Variants in SIAE observed in about 807,000 individuals in gnomAD.
The protein encoded by SIAE is sialic acid acetylesterase, also known as sialate O-acetylesterase.
In SIAE, 39 loss-of-function variants were observed where a neutral mutation model predicts 52.6. The ratio of observed to expected loss-of-function variants is 0.74; its 90% CI spans 0.57 to 0.97. SIAE has a LOEUF of 0.97. SIAE is among the 50% of genes least tolerant of loss of function. SIAE has a pLI of 0.00. For synonymous variants in SIAE, 233 were observed against 241.4 expected (o/e 0.97, Z 0.32); for missense variants, 592 against 662.1 (o/e 0.89, Z 1.16).
upstream of SIAE, chr11:124,673,988 G>T: frequency 3.9e-6 from 2 of 508,382 alleles, no homozygotes; most frequent in Non-Finnish European, 7.1e-6. Flanking sequence ...CCGATACCAA[G>T]ACCTAGCCTT....
chr11:124,640,641 A>G (rs1322553460), intron 7 of SIAE, among the ~76,000 whole-genome samples: 1 of 152,174 alleles, frequency 6.6e-6, no homozygotes. Context: ...CAGTGACCCC[A>G]ATTCTTCACT....
At position 124,635,462 on chromosome 11, in the gene SIAE, A is replaced by G. The variant is rs1942708618; in HGVS notation, c.*1489T>C. The G allele has an allele frequency of 1.3e-5, 2 of 152,236 alleles. No homozygotes were observed. Among genetic ancestry groups the G allele is most frequent in the South Asian group, 4.1e-4 (2 of 4,832 alleles). The allele number at this position is 152,236 out of a possible 1,614,324, so 9.4% of individuals were successfully genotyped here. ...TCTACAGAGGGGTAGAACTAAAGCA[A>G]AAACCATCATTCACCCTACAGAGTA... On this transcript the variant is annotated 3_prime_UTR_variant, in exon 10 of 10. Transcript: ENST00000263593.
At chr11:124,661,022 TA>T (rs1213600436) in intron 2 of SIAE, among the ~76,000 whole-genome samples, 1 of 152,090 alleles carries the variant, frequency 6.6e-6, no homozygotes, top group African/African-American at 2.4e-5. Flanking sequence ...CTGAAGCATT[TA>T]CAAAAAAAGT....
intron 7 of SIAE, 40 bp from the exon 8 acceptor site, chr11:124,639,907 T>C (rs765023314): frequency 6.2e-7 from 1 of 1,609,668 alleles, no homozygotes; most frequent in South Asian, 1.1e-5. Context: ...TGTATCAGAA[T>C]CCCACACTGG....
chr11:124,636,572 A>C lies in SIAE; in HGVS notation c.*379T>G. ...GAAATTTTATAAAGAACACATGAAC[A>C]CTAGCTGGCCTATGTGGCCTTTAAA... On this transcript the variant is annotated 3_prime_UTR_variant, in exon 10 of 10. Transcript: ENST00000263593. 6.5e-6 allele frequency: 2 copies of C among 307,084 alleles called. No homozygotes were observed. Among genetic ancestry groups the C allele is most frequent in the Non-Finnish European group, 1.3e-5 (2 of 159,150 alleles). The allele number at this position is 307,084 out of a possible 1,614,324, so 19.0% of individuals were successfully genotyped here.
rs1183326472 is a variant in SIAE, at chr11:124,635,980, A to C, written c.*971T>G. 6.6e-6 allele frequency: 1 copy of C among 152,110 alleles called. No individual in the cohort carries two copies. Among genetic ancestry groups the C allele is most frequent in the Non-Finnish European group, 1.5e-5 (1 of 68,024 alleles). 9.4% of individuals were successfully genotyped at this position (152,110 alleles called of 1,614,324 possible). A position where few individuals can be genotyped will look rare whatever the true frequency, so the allele number is the denominator to read the frequency against. Reference sequence around the variant, plus strand: ...ATGCTTGTCATGTGGCTTTACTTTCAGCCTCACTCTTTTCTTCTTCCAAAT... The same window carrying C: ...ATGCTTGTCATGTGGCTTTACTTTCCGCCTCACTCTTTTCTTCTTCCAAAT... On this transcript the variant is annotated 3_prime_UTR_variant, in exon 10 of 10. Coordinates refer to ENST00000263593, the MANE Select transcript of SIAE (RefSeq NM_170601.5).
At chr11:124,667,722 G>C (rs1184175193) in intron 2 of SIAE, among the ~76,000 whole-genome samples, 2 of 152,102 alleles carry the variant, frequency 1.3e-5, no homozygotes, top group Admixed American at 1.3e-4. Flanking sequence ...CACAGCTATA[G>C]CGCTATCTGT....
chr11:124,649,629 GGACC>G lies in SIAE; in HGVS notation c.708_711del (p.Val237LeufsTer11), dbSNP rs1196393685. 5.6e-6 allele frequency: 9 copies of G among 1,614,004 alleles called. No homozygotes were observed. In the South Asian group the frequency reaches 9.9e-5, roughly 18 times the overall value. ...AGAATGCTGTCTTACCCTTGTTTAG[GGACC>G]CCACAGGCTTTCAGTGACCGTCCAG... On this transcript the variant is annotated frameshift_variant, in exon 5 of 10. Transcript: ENST00000263593. LOFTEE classifies it high-confidence loss of function.
intron 8 of SIAE, 105 bp downstream of exon 8, chr11:124,639,605 C>T: frequency 6.7e-7 from 1 of 1,482,880 alleles, no homozygotes; most frequent in Non-Finnish European, 9.4e-7. Context: ...ATACGTGACT[C>T]TTAAGTGCCA....
Position 124,637,138 on chromosome 11 carries a change from TG to T in SIAE, c.1384del (p.Gln462SerfsTer3). The stretch of plus-strand genomic sequence containing the variant: ...AGAATCGATCGCCAGGGTCAGGGAC[TG>T]GGTGGAGACGGTGTTCATAGAAGCT... Reference protein sequence around the residue: ...LPASMNTVSTQSLTLAIDSCH... With the variant: ...LPASMNTVSTXSLTLAIDSCH... On this transcript the variant is annotated frameshift_variant, in exon 10 of 10. Transcript: ENST00000263593. LOFTEE classifies it low-confidence loss of function (END_TRUNC). 6.2e-7 allele frequency: 1 copy of T among 1,614,124 alleles called. No individual in the cohort carries two copies. The highest frequency in any genetic ancestry group is 8.5e-7 in the Non-Finnish European group (1 of 1,180,022).
rs766691334 is a variant in SIAE at position 124,644,351 on chromosome 11, G to GAAAAAAAAAAAA, written c.966+3013_966+3014insTTTTTTTTTTTT. 2.8e-3 allele frequency among the ~76,000 whole-genome samples: 280 copies of GAAAAAAAAAAAA among 98,946 alleles called. 17 individuals are homozygous for GAAAAAAAAAAAA. The highest frequency in any genetic ancestry group is 0.011 in the African/African-American group (268 of 25,130). 64.9% of individuals were successfully genotyped at this position (98,946 alleles called of 152,430 possible). On this transcript the variant is annotated intron_variant, in intron 7 of 9. Coordinates refer to ENST00000263593, the MANE Select transcript of SIAE (RefSeq NM_170601.5). ...AACGCCACAGGAAAGAGTCTGTGGT[G>GAAAAAAAAAAAA]AGAAAAAAAAAAAAAAAAAAAAACT...
At chr11:124,638,212 G>A (rs982453356) in intron 9 of SIAE, among the ~76,000 whole-genome samples, 4 of 152,240 alleles carry the variant, frequency 2.6e-5, no homozygotes, top group African/African-American at 9.7e-5. Context: ...CTGGAGCAAG[G>A]ATCCTTCAAT....
intron 3 of SIAE, chr11:124,660,302 A>G (rs532803429): frequency 5.9e-6 from 2 of 339,948 alleles, no homozygotes; most frequent in East Asian, 7.6e-5. Context: ...AAAAAGAAAA[A>G]AAAAAAAAAG....
chr11:124,654,623 A>G (rs1157956972), intron 4 of SIAE, 32 bp downstream of exon 4: 2 of 1,614,018 alleles, frequency 1.2e-6, no homozygotes, highest in Middle Eastern at 1.7e-4. Flanking sequence ...AACCCATTAT[A>G]TAAGAGACAG....
Position 124,636,529 on chromosome 11 carries a change from G to A in SIAE, c.*422C>T, listed in dbSNP as rs937511970. ...CGGAAGCTAAGCAGGGTCGGGCCTG[G>A]TTAGTACTTGGATGGGAGAAATTTT... On this transcript the variant is annotated 3_prime_UTR_variant, in exon 10 of 10. Coordinates refer to ENST00000263593, the MANE Select transcript of SIAE (RefSeq NM_170601.5). 2 of 267,500 alleles carry A rather than the reference G, an allele frequency of 7.5e-6. No individual in the cohort carries two copies. Among genetic ancestry groups the A allele is most frequent in the East Asian group, 9.0e-5 (1 of 11,160 alleles). 16.6% of individuals were successfully genotyped at this position (267,500 alleles called of 1,614,324 possible). A position where few individuals can be genotyped will look rare whatever the true frequency, so the allele number is the denominator to read the frequency against.
At chr11:124,649,874 G>A in intron 4 of SIAE, 78 bp from the exon 5 acceptor site, 2 of 1,375,234 alleles carry the variant, frequency 1.5e-6, no homozygotes, top group Admixed American at 1.7e-5. Flanking sequence ...GGTGGGTCGA[G>A]GTGAGAAGGG....
upstream of SIAE, chr11:124,675,528 G>A: frequency 8.4e-7 from 1 of 1,191,628 alleles, no homozygotes; most frequent in Non-Finnish European, 1.2e-6. Context: ...TATGAGGCAG[G>A]GAGTTTCAGA....
At chr11:124,638,462 A>G in intron 9 of SIAE, 80 bp downstream of exon 9, 1 of 1,488,030 alleles carries the variant, frequency 6.7e-7, no homozygotes, top group Non-Finnish European at 9.4e-7. Context: ...TCGTAATAAC[A>G]AAAGAGATGG....
intron 8 of SIAE, 36 bp downstream of exon 8, chr11:124,639,674 T>G (rs1942811823): frequency 6.2e-7 from 1 of 1,613,544 alleles, no homozygotes; most frequent in African/African-American, 1.3e-5. Context: ...ACAAAGAACA[T>G]ACACTGTTCA....
Sources: allele counts gnomAD v4.1 joint callset (sites outside exome capture counted in the v4.1 genomes callset), GRCh38; gene constraint gnomAD v4.1.1; transcripts MANE v1.5; gene names NCBI Gene and HGNC (gene_info 2026-07-23, HGNC 2026-07-21).